NRG3: variants seen among roughly 807,000 people sequenced by gnomAD.
NRG3 encodes the protein pro-neuregulin-3, membrane-bound isoform.
In NRG3, 31 loss-of-function variants were observed where a neutral mutation model predicts 66.9. The observed-to-expected ratio is 0.46, with a 90% CI of 0.35 to 0.63. The LOEUF (loss-of-function observed/expected upper bound fraction) is 0.63. NRG3 is among the 20% of genes least tolerant of loss of function. NRG3 has a pLI of 0.00. For missense variants in NRG3, 910 were observed against 878.9 expected (o/e 1.04, Z -0.45); for synonymous variants, 393 against 359.4 (o/e 1.09, Z -1.06).
chr10:82,667,451 A>G lies in NRG3; in HGVS notation c.954-71126A>G, dbSNP rs568979466. On this transcript the variant is annotated intron_variant, in intron 2 of 8. Transcript: ENST00000372141. Reference sequence around the variant, plus strand: ...GTGATTTGGATATCTCAACAGTGGAATAATTTGCCCAAAGTACCCGTTGAC... The same window carrying G: ...GTGATTTGGATATCTCAACAGTGGAGTAATTTGCCCAAAGTACCCGTTGAC... Among the ~76,000 whole-genome samples the G allele has an allele frequency of 3.9e-5, 6 of 152,318 alleles. No individual in the cohort carries two copies. The South Asian group carries it at 1.0e-3, about 26-fold the overall frequency.
intron 2 of NRG3, among the ~76,000 whole-genome samples, chr10:82,606,808 C>T (rs1425436938): frequency 1.3e-5 from 2 of 152,104 alleles, no homozygotes; most frequent in Non-Finnish European, 2.9e-5. Flanking sequence ...TTCTTCATAT[C>T]CTGAATTTCA....
intron 1 of NRG3, among the ~76,000 whole-genome samples, chr10:82,088,198 TC>T (rs1296731431): frequency 5.9e-5 from 9 of 152,140 alleles, no homozygotes; most frequent in African/African-American, 1.9e-4. Flanking sequence ...TTTTCTTTTC[TC>T]CTTCCTTTCT....
chr10:82,305,621 T>A (rs996033742), intron 1 of NRG3, among the ~76,000 whole-genome samples: 1 of 152,130 alleles, frequency 6.6e-6, no homozygotes, highest in Non-Finnish European at 1.5e-5. Flanking sequence ...GTTTTATTTG[T>A]TTTGAGATAT....
chr10:82,676,254 T>G (rs2053675218), intron 2 of NRG3, among the ~76,000 whole-genome samples: 1 of 152,128 alleles, frequency 6.6e-6, no homozygotes, highest in South Asian at 2.1e-4. Flanking sequence ...TCTGTCTTCA[T>G]TAATAATCAT....
rs896457941 is a variant in NRG3, at chr10:82,336,464, G to A, written c.824-22275G>A. On this transcript the variant is annotated intron_variant, in intron 1 of 8. Coordinates refer to ENST00000372141, the MANE Select transcript of NRG3 (RefSeq NM_001010848.4). ...AATTGGAATTTCTGTTAAAAATTCC[G>A]AATTTTCTCAGCAATAACTTTCAAA... is the stretch of plus-strand genomic sequence containing the variant. 5.9e-5 allele frequency among the ~76,000 whole-genome samples: 9 copies of A among 151,488 alleles called. No individual in the cohort carries two copies. In the South Asian group the frequency reaches 8.3e-4, roughly 14 times the overall value.
intron 1 of NRG3, among the ~76,000 whole-genome samples, chr10:82,356,558 C>T (rs895418801): frequency 8.5e-5 from 13 of 152,136 alleles, no homozygotes; most frequent in African/African-American, 3.1e-4. Context: ...TAGAGAATCT[C>T]CTGCAAGATG....
chr10:82,559,571 C>T (rs2044889809), intron 2 of NRG3, among the ~76,000 whole-genome samples: 1 of 152,170 alleles, frequency 6.6e-6, no homozygotes, highest in African/African-American at 2.4e-5. Context: ...AGGACAGCAG[C>T]TGGTACGTTT....
intron 1 of NRG3, among the ~76,000 whole-genome samples, chr10:81,891,577 G>A (rs551493353): frequency 6.6e-6 from 1 of 152,286 alleles, no homozygotes; most frequent in South Asian, 2.1e-4. Context: ...GGAGGGTCTT[G>A]TCTTAGGGAA....
chr10:82,540,886 A>G lies in NRG3; in HGVS notation c.953+182018A>G, dbSNP rs146429181. ...ACCCCCAGTACCTCAGGATGTGACT[A>G]TCTTTAGAGATAAGGCCTTTAAAGA... On this transcript the variant is annotated intron_variant, in intron 2 of 8. Transcript: ENST00000372141. Among the ~76,000 whole-genome samples, 55 of 152,342 alleles carry G rather than the reference A, an allele frequency of 3.6e-4. No homozygotes were observed. The East Asian group carries it at 8.5e-3, about 24-fold the overall frequency.
chr10:81,922,169 A>C (rs1330650011), intron 1 of NRG3, among the ~76,000 whole-genome samples: 2 of 152,138 alleles, frequency 1.3e-5, no homozygotes, highest in Admixed American at 1.3e-4. Flanking sequence ...TTTGTTAAAA[A>C]ATTTTTTGAC....
At chr10:82,938,639 GC>G (rs1477572361) in intron 4 of NRG3, among the ~76,000 whole-genome samples, 1 of 152,228 alleles carries the variant, frequency 6.6e-6, no homozygotes, top group Non-Finnish European at 1.5e-5. Flanking sequence ...GAGAAGTGAA[GC>G]CCCATTACAC....
chr10:82,372,658 A>G (rs1589886253), intron 2 of NRG3, among the ~76,000 whole-genome samples: 1 of 152,084 alleles, frequency 6.6e-6, no homozygotes, highest in East Asian at 1.9e-4. Flanking sequence ...CAGTGGGGCA[A>G]TTTTGGCTCA....
In NRG3 at chr10:82,174,492, A is replaced by G. The variant is rs2072878290; in HGVS notation, c.824-184247A>G. Among the ~76,000 whole-genome samples, 3 of 151,910 alleles carry G rather than the reference A, an allele frequency of 2.0e-5. No individual in the cohort carries two copies. In the South Asian group the frequency reaches 6.2e-4, roughly 31 times the overall value. On this transcript the variant is annotated intron_variant, in intron 1 of 8. Coordinates refer to ENST00000372141, the MANE Select transcript of NRG3 (RefSeq NM_001010848.4). ...CCTGGCCCTTCGCTCTGACAATTAC[A>G]TCCTATTTCTTCTGTTTGTTTTAAG... is the stretch of plus-strand genomic sequence containing the variant.
chr10:82,754,538 G>GAA (rs5786572), intron 3 of NRG3, among the ~76,000 whole-genome samples: 21 of 118,168 alleles, frequency 1.8e-4, no homozygotes, highest in African/African-American at 5.7e-4. Context: ...GGGGGGAAAA[G>GAA]AAAAAAAAAA....
At chr10:82,184,429 G>A (rs2073661186) in intron 1 of NRG3, among the ~76,000 whole-genome samples, 1 of 152,092 alleles carries the variant, frequency 6.6e-6, no homozygotes. Flanking sequence ...TTCAGGGAAT[G>A]GTTTCTGGGG....
At chr10:82,083,768 TTTTTG>T (rs2065542847) in intron 1 of NRG3, among the ~76,000 whole-genome samples, 1 of 150,750 alleles carries the variant, frequency 6.6e-6, no homozygotes, top group Admixed American at 6.6e-5. Flanking sequence ...CTAATGTTTT[TTTTTG>T]TTTTTTTTGT....
intron 1 of NRG3, among the ~76,000 whole-genome samples, chr10:82,225,074 G>T (rs1036463150): frequency 2.0e-4 from 31 of 152,086 alleles, no homozygotes; most frequent in African/African-American, 7.0e-4. Flanking sequence ...CAGGAAAATT[G>T]TTGTTTCAAA....
chr10:82,472,207 G>C (rs1200389267), intron 2 of NRG3, among the ~76,000 whole-genome samples: 1 of 152,094 alleles, frequency 6.6e-6, no homozygotes, highest in Admixed American at 6.5e-5. Context: ...AGACATTTGG[G>C]TCCCAGAGCC....
chr10:82,815,458 T>G (rs1191219171), intron 3 of NRG3, among the ~76,000 whole-genome samples: 3 of 152,164 alleles, frequency 2.0e-5, no homozygotes, highest in African/African-American at 7.2e-5. Context: ...TCTTTAAATT[T>G]TTTGTGTCTA....
Sources: allele counts gnomAD v4.1 joint callset (sites outside exome capture counted in the v4.1 genomes callset), GRCh38; gene constraint gnomAD v4.1.1; transcripts MANE v1.5; gene names NCBI Gene and HGNC (gene_info 2026-07-23, HGNC 2026-07-21).